Variants in FAM210A observed in about 807,000 individuals in gnomAD.
FAM210A encodes mitochondrial inner membrane scaffold 1.
A neutral mutation model predicts 25.3 loss-of-function variants in FAM210A; 13 were observed. The observed-to-expected ratio is 0.51, with a 90% CI of 0.33 to 0.82. FAM210A has a LOEUF of 0.82. Ranked by LOEUF, FAM210A falls within the 40% of genes least tolerant of loss-of-function variation. FAM210A has a pLI of 0.02. For missense variants in FAM210A, 319 were observed against 323.2 expected, an observed-to-expected ratio of 0.99 and a Z score of 0.10; for synonymous variants, 125 against 118.7, an observed-to-expected ratio of 1.05 and a Z score of -0.35.
intron 2 of FAM210A, 80 bp downstream of exon 2, chr18:13,681,525 C>T: frequency 5.3e-6 from 6 of 1,137,448 alleles, no homozygotes. Flanking sequence ...ATTTAAAAAT[C>T]TAAAGCTATC....
intron 1 of FAM210A, among the ~76,000 whole-genome samples, chr18:13,717,107 G>C (rs1045396976): frequency 1.3e-5 from 2 of 152,140 alleles, no homozygotes; most frequent in Non-Finnish European, 2.9e-5. Context: ...AGCAAGGCTG[G>C]GGTGGATAGA....
chr18:13,699,536 TA>T (rs1481592697), intron 1 of FAM210A, among the ~76,000 whole-genome samples: 1 of 152,196 alleles, frequency 6.6e-6, no homozygotes, highest in African/African-American at 2.4e-5. Flanking sequence ...ACAAAATATT[TA>T]TATCTTTGTA....
At chr18:13,715,769 A>T (rs186203919) in intron 1 of FAM210A, among the ~76,000 whole-genome samples, 1 of 152,358 alleles carries the variant, frequency 6.6e-6, no homozygotes, top group Admixed American at 6.5e-5. Flanking sequence ...AGTATCAAAC[A>T]TTATATTCAA....
chr18:13,685,114 G>A (rs996859531), intron 1 of FAM210A, among the ~76,000 whole-genome samples: 5 of 152,104 alleles, frequency 3.3e-5, no homozygotes, highest in African/African-American at 1.2e-4. Flanking sequence ...TAAGGGGTCT[G>A]GGGAGTCACA....
At chr18:13,692,383 C>G (rs2043653330) in intron 1 of FAM210A, among the ~76,000 whole-genome samples, 1 of 152,178 alleles carries the variant, frequency 6.6e-6, no homozygotes, top group Non-Finnish European at 1.5e-5. Context: ...TTGAACTCAG[C>G]TCTGCACCCA....
chr18:13,685,509 C>A lies in FAM210A; in HGVS notation c.-28-3404G>T, dbSNP rs138321433. ...TATTAAGAACCTTGGTATCCACAACCCCTTATCTTAATTCAGACACTCTTT... is the reference window on the plus strand; with the variant it reads ...TATTAAGAACCTTGGTATCCACAACACCTTATCTTAATTCAGACACTCTTT... On this transcript the variant is annotated intron_variant, in intron 1 of 3. Transcript: ENST00000651643. 1.6e-4 allele frequency among the ~76,000 whole-genome samples: 24 copies of A among 152,240 alleles called. No individual in the cohort carries two copies. In the East Asian group the frequency reaches 4.6e-3, roughly 29 times the overall value.
intron 1 of FAM210A, among the ~76,000 whole-genome samples, chr18:13,702,175 G>A (rs540285242): frequency 6.6e-6 from 1 of 152,332 alleles, no homozygotes; most frequent in South Asian, 2.1e-4. Flanking sequence ...GCCAGCAAAA[G>A]GGTAAGGCTT....
chr18:13,721,441 C>A (rs1410646418), intron 1 of FAM210A, among the ~76,000 whole-genome samples: 1 of 152,152 alleles, frequency 6.6e-6, no homozygotes, highest in Non-Finnish European at 1.5e-5. Context: ...ACAGGCCAAA[C>A]AGGAGGGTTG....
intron 1 of FAM210A, among the ~76,000 whole-genome samples, chr18:13,717,008 G>A (rs762227677): frequency 1.2e-4 from 18 of 152,142 alleles, no homozygotes; most frequent in Non-Finnish European, 2.5e-4. Flanking sequence ...CTCTGTTTGC[G>A]GACTTCTTGT....
Position 13,681,985 on chromosome 18 carries a change from A to C in FAM210A, c.93T>G (p.Asn31Lys). 6.2e-7 allele frequency: 1 copy of C among 1,614,194 alleles called. No individual in the cohort carries two copies. Among genetic ancestry groups the C allele is most frequent in the Non-Finnish European group, 8.5e-7 (1 of 1,180,028 alleles). ...HNAGLFGHCQNVKGPLLLYNA... is the reference protein window; with the variant it reads ...HNAGLFGHCQKVKGPLLLYNA... ...TGTATAAAAGTAAAGGTCCCTTTAC[A>C]TTTTGACAGTGTCCAAAGAGACCAG... is the stretch of plus-strand genomic sequence containing the variant. Residue 31 changes from asparagine (N) to lysine (K), a missense_variant, in exon 2 of 4, where the codon AAT becomes AAG. Asn to Lys is a moderately conservative substitution (Grantham distance 94). Transcript: ENST00000651643.
intron 1 of FAM210A, among the ~76,000 whole-genome samples, chr18:13,690,445 AGTCT>A (rs2043633827): frequency 1.3e-5 from 2 of 152,374 alleles, no homozygotes; most frequent in African/African-American, 2.4e-5. Flanking sequence ...GAGAATGGAC[AGTCT>A]GCCTTCTCAA....
chr18:13,697,933 T>C (rs1312364982), intron 1 of FAM210A, among the ~76,000 whole-genome samples: 1 of 152,164 alleles, frequency 6.6e-6, no homozygotes, highest in Admixed American at 6.5e-5. Context: ...CTTAAATGCA[T>C]ATTGCCAAGT....
chr18:13,666,127 A>G lies in FAM210A; in HGVS notation c.*353T>C, dbSNP rs182448499. ...ATTAACAGACTATTTTATGGGTCAC[A>G]CTGGATATTCAAGGAGTCAGCTGCC... On this transcript the variant is annotated 3_prime_UTR_variant, in exon 4 of 4. Coordinates refer to ENST00000651643, the MANE Select transcript of FAM210A (RefSeq NM_152352.4). The G allele has an allele frequency of 4.5e-6, 1 of 221,942 alleles. No homozygotes were observed. The highest frequency in any genetic ancestry group is 2.3e-5 in the African/African-American group (1 of 43,750). 13.7% of individuals were successfully genotyped at this position (221,942 alleles called of 1,614,324 possible).
At chr18:13,726,257 G>C (rs1218326411) in intron 1 of FAM210A, 72 bp downstream of exon 1, 1 of 152,500 alleles carries the variant, frequency 6.6e-6, no homozygotes, top group Non-Finnish European at 1.5e-5. Flanking sequence ...TCAGCTCCCG[G>C]ACACACGCCC....
At chr18:13,683,504 T>C (rs985598760) in intron 1 of FAM210A, among the ~76,000 whole-genome samples, 2 of 151,282 alleles carry the variant, frequency 1.3e-5, no homozygotes, top group African/African-American at 4.9e-5. Flanking sequence ...TTTGAGGCTG[T>C]AATGCATTTG....
chr18:13,693,762 T>C (rs1318953459), intron 1 of FAM210A, among the ~76,000 whole-genome samples: 1 of 32,512 alleles, frequency 3.1e-5, no homozygotes, highest in Non-Finnish European at 8.2e-5. Flanking sequence ...ATAAGAGCTA[T>C]TTATGACAAT....
chr18:13,692,682 A>T (rs1182211250), intron 1 of FAM210A, among the ~76,000 whole-genome samples: 1 of 152,238 alleles, frequency 6.6e-6, no homozygotes, highest in Non-Finnish European at 1.5e-5. Context: ...AGAAATAAAG[A>T]TGTTCTTTGA....
At chr18:13,689,985 G>A (rs939453999) in intron 1 of FAM210A, among the ~76,000 whole-genome samples, 1 of 152,210 alleles carries the variant, frequency 6.6e-6, no homozygotes, top group Non-Finnish European at 1.5e-5. Context: ...AGTGCAATGG[G>A]TCAGGGAATT....
At chr18:13,724,200 C>T (rs2043917041) in intron 1 of FAM210A, among the ~76,000 whole-genome samples, 3 of 152,140 alleles carry the variant, frequency 2.0e-5, no homozygotes, top group Admixed American at 2.0e-4. Context: ...CATCATAACC[C>T]AGGCATTAAG....
Sources: gnomAD v4.1 joint callset for allele counts (sites outside exome capture counted in the v4.1 genomes callset) on GRCh38, gnomAD v4.1.1 for gene constraint, MANE v1.5 for transcripts, NCBI Gene and HGNC (gene_info 2026-07-23, HGNC 2026-07-21) for gene names.